The following NEIL3 variants were observed in gnomAD, a reference collection of about 807,000 sequenced individuals.
NEIL3 encodes the protein nei like DNA glycosylase 3.
A neutral mutation model predicts 57.5 loss-of-function variants in NEIL3; 48 were observed. The observed-to-expected ratio is 0.83, with a 90% confidence interval of 0.66 to 1.06. NEIL3 has a LOEUF of 1.06. Among genes scored for constraint, NEIL3 ranks in the 50% least tolerant of loss-of-function variants. NEIL3 has a pLI of 0.00. For missense variants in NEIL3, 717 were observed against 739.1 expected, an observed-to-expected ratio of 0.97 and a Z score of 0.35; for synonymous variants, 261 against 253.2, an observed-to-expected ratio of 1.03 and a Z score of -0.29.
At chr4:177,322,047 A>G (rs1306878789) in intron 1 of NEIL3, among the ~76,000 whole-genome samples, 6 of 152,148 alleles carry the variant, frequency 3.9e-5, no homozygotes, top group African/African-American at 1.2e-4. Context: ...ATCATCTGTC[A>G]TTTGTAGCTG....
intron 1 of NEIL3, among the ~76,000 whole-genome samples, chr4:177,315,068 C>CAAAAAA: frequency 9.4e-6 from 1 of 106,474 alleles, no homozygotes; most frequent in Non-Finnish European, 2.0e-5. Context: ...GACTCCGTCT[C>CAAAAAA]AAAAAAAAAA....
At chr4:177,346,421 A>G (rs144958757) in intron 6 of NEIL3, among the ~76,000 whole-genome samples, 1 of 152,116 alleles carries the variant, frequency 6.6e-6, no homozygotes, top group Non-Finnish European at 1.5e-5. Context: ...CTCCTGCCTC[A>G]GCTGTCCAGA....
intron 2 of NEIL3, among the ~76,000 whole-genome samples, chr4:177,324,360 G>C (rs865946213): frequency 1.3e-5 from 2 of 152,134 alleles, no homozygotes; most frequent in Non-Finnish European, 2.9e-5. Flanking sequence ...TAGTCATAAA[G>C]TGTGTGCATC....
At chr4:177,335,216 A>C (rs1372419970) in intron 2 of NEIL3, among the ~76,000 whole-genome samples, 3 of 152,204 alleles carry the variant, frequency 2.0e-5, no homozygotes, top group African/African-American at 4.8e-5. Flanking sequence ...AATTATTTCC[A>C]ATCCATTGTG....
intron 1 of NEIL3, among the ~76,000 whole-genome samples, chr4:177,322,215 C>A (rs34940514): frequency 5.1e-4 from 77 of 152,232 alleles, no homozygotes; most frequent in African/African-American, 1.7e-3. Flanking sequence ...CTTTATTTTG[C>A]TTGTCTACCA....
At chr4:177,313,342 G>A (rs1734511528) in intron 1 of NEIL3, among the ~76,000 whole-genome samples, 1 of 152,154 alleles carries the variant, frequency 6.6e-6, no homozygotes, top group African/African-American at 2.4e-5. Context: ...TTGAATGCAT[G>A]TCTGCCTGTG....
chr4:177,371,042 T>A, the NEIL3 span, among the ~76,000 whole-genome samples: 24,770 of 152,172 alleles, frequency 0.16, 2,366 homozygotes, highest in South Asian at 0.26. Flanking sequence ...TGGTAATCAG[T>A]AACACAAATA....
At chr4:177,322,392 T>C in intron 1 of NEIL3, 67 bp from the exon 2 acceptor site, 1 of 1,600,182 alleles carries the variant, frequency 6.2e-7, no homozygotes. Flanking sequence ...ATTTAAGAAT[T>C]AAATAATGCT....
chr4:177,350,515 A>G (rs1735327520), intron 6 of NEIL3, among the ~76,000 whole-genome samples: 1 of 152,214 alleles, frequency 6.6e-6, no homozygotes, highest in Non-Finnish European at 1.5e-5. Flanking sequence ...CCACCATGAA[A>G]CAGTCTTACA....
intron 7 of NEIL3, 146 bp downstream of exon 7, chr4:177,351,695 A>G (rs1027669278): frequency 2.8e-5 from 18 of 644,710 alleles, no homozygotes; most frequent in Non-Finnish European, 4.3e-5. Flanking sequence ...CAGTTTTCAC[A>G]TGTAAACCAT....
intron 7 of NEIL3, among the ~76,000 whole-genome samples, chr4:177,351,817 A>G (rs564163702): frequency 6.6e-6 from 1 of 152,178 alleles, no homozygotes; most frequent in Non-Finnish European, 1.5e-5. Context: ...TCTGTTCTCT[A>G]CTGTTTCTAA....
chr4:177,313,481 A>G (rs1734514219), intron 1 of NEIL3, among the ~76,000 whole-genome samples: 1 of 152,200 alleles, frequency 6.6e-6, no homozygotes. Flanking sequence ...GCAACAGTAT[A>G]AGCAAATTGC....
intron 8 of NEIL3, among the ~76,000 whole-genome samples, chr4:177,358,464 C>T (rs563493345): frequency 4.6e-5 from 7 of 152,130 alleles, no homozygotes; most frequent in Admixed American, 6.5e-5. Flanking sequence ...CCCGCCACCA[C>T]GCCCAGCTAA....
chr4:177,334,541 T>C (rs1274103534), intron 2 of NEIL3, among the ~76,000 whole-genome samples: 3 of 152,184 alleles, frequency 2.0e-5, no homozygotes, highest in Admixed American at 1.3e-4. Flanking sequence ...ATTTTAGATA[T>C]GATGGCTTCT....
intron 8 of NEIL3, among the ~76,000 whole-genome samples, chr4:177,359,075 T>C (rs924795838): frequency 3.9e-5 from 6 of 152,060 alleles, no homozygotes; most frequent in African/African-American, 1.4e-4. Context: ...TGAAATGGAG[T>C]TTTGGAGGGG....
rs771799753 is a variant in NEIL3, at chr4:177,351,426, G to C, written c.916G>C (p.Val306Leu). ...TATAATCAGTTGGACATCTAGCAGG[G>C]TGGATCATGTTATGGACTCCGTGGC... ...NTIISWTSSR[V>L]DHVMDSVARK... The change falls in exon 7 of 10, where the codon GTG (valine) becomes CTG (leucine). Residue 306 changes from valine to leucine, a missense_variant. Val to Leu is a conservative substitution (Grantham distance 32, BLOSUM62 1). Coordinates refer to ENST00000264596, the MANE Select transcript of NEIL3 (RefSeq NM_018248.3). 2 of 1,613,908 alleles carry C rather than the reference G, an allele frequency of 1.2e-6. No individual in the cohort carries two copies. The highest frequency in any genetic ancestry group is 2.2e-5 in the South Asian group (2 of 91,068).
At chr4:177,334,164 C>A (rs1734933159) in intron 2 of NEIL3, among the ~76,000 whole-genome samples, 1 of 151,098 alleles carries the variant, frequency 6.6e-6, no homozygotes, top group Non-Finnish European at 1.5e-5. Flanking sequence ...AAATCAGTAT[C>A]AATTGTTGTC....
chr4:177,357,000 C>A (rs181107012), intron 8 of NEIL3: 8 of 152,270 alleles, frequency 5.3e-5, no homozygotes, highest in African/African-American at 1.9e-4. Context: ...CTCACATTTG[C>A]TGCCGTCAGG....
chr4:177,328,785 G>C (rs142499707), intron 2 of NEIL3, among the ~76,000 whole-genome samples: 1 of 152,236 alleles, frequency 6.6e-6, no homozygotes, highest in East Asian at 1.9e-4. Flanking sequence ...ATGTTTTTCT[G>C]TTATGTTCTA....
Sources: gnomAD v4.1 joint callset for allele counts (sites outside exome capture counted in the v4.1 genomes callset) on GRCh38, gnomAD v4.1.1 for gene constraint, MANE v1.5 for transcripts, NCBI Gene and HGNC (gene_info 2026-07-23, HGNC 2026-07-21) for gene names.